Variants in RAP1GDS1 observed in about 807,000 individuals in gnomAD.
RAP1GDS1 encodes the protein RAP1, GTP-GDP dissociation stimulator 1.
A neutral mutation model predicts 71.1 loss-of-function variants in RAP1GDS1; 35 were observed. The observed-to-expected ratio is 0.49, with a 90% CI of 0.38 to 0.65. RAP1GDS1 has a LOEUF of 0.65. Among genes scored for constraint, RAP1GDS1 ranks in the 30% least tolerant of loss-of-function variants. The pLI is 0.00. For missense variants in RAP1GDS1, 663 were observed against 706.1 expected (o/e 0.94, Z 0.69); for synonymous variants, 229 against 243.1 (o/e 0.94, Z 0.54).
intron 2 of RAP1GDS1, among the ~76,000 whole-genome samples, chr4:98,304,743 A>T (rs1435943020): frequency 6.6e-6 from 1 of 151,762 alleles, no homozygotes; most frequent in African/African-American, 2.4e-5. Flanking sequence ...ATTGCTTTTG[A>T]TGTTTTTGTT....
chr4:98,428,851 G>A (rs1749990680), intron 12 of RAP1GDS1, among the ~76,000 whole-genome samples: 1 of 152,164 alleles, frequency 6.6e-6, no homozygotes, highest in Non-Finnish European at 1.5e-5. Flanking sequence ...TATCTGCCCA[G>A]TAGAAAAGAA....
intron 2 of RAP1GDS1, among the ~76,000 whole-genome samples, chr4:98,335,952 A>G (rs1203089040): frequency 6.6e-6 from 1 of 152,182 alleles, no homozygotes; most frequent in Non-Finnish European, 1.5e-5. Context: ...CTTACTTGAT[A>G]AACAGTGTAT....
At chr4:98,263,429 AAAT>A (rs1722302292) in intron 1 of RAP1GDS1, among the ~76,000 whole-genome samples, 1 of 152,246 alleles carries the variant, frequency 6.6e-6, no homozygotes, top group Non-Finnish European at 1.5e-5. Flanking sequence ...ATAATCTTCA[AAAT>A]CTTGAGTGCT....
chr4:98,421,160 T>G, intron 11 of RAP1GDS1, 95 bp from the exon 12 acceptor site: 9 of 1,311,020 alleles, frequency 6.9e-6, no homozygotes, highest in Non-Finnish European at 9.2e-6. Context: ...GTGCTGTGTT[T>G]TTTTAGACGT....
chr4:98,347,391 A>C (rs1008694223), intron 3 of RAP1GDS1, among the ~76,000 whole-genome samples: 2 of 152,220 alleles, frequency 1.3e-5, no homozygotes, highest in African/African-American at 4.8e-5. Flanking sequence ...ATGTATTACT[A>C]CAGTCAAAGG....
chr4:98,340,858 CT>C (rs1735407605), intron 2 of RAP1GDS1, among the ~76,000 whole-genome samples: 1 of 152,012 alleles, frequency 6.6e-6, no homozygotes, highest in Admixed American at 6.6e-5. Flanking sequence ...ACAGCAGACA[CT>C]GGGACCTACT....
intron 2 of RAP1GDS1, among the ~76,000 whole-genome samples, chr4:98,320,580 G>A (rs1440641868): frequency 2.0e-5 from 3 of 151,926 alleles, no homozygotes; most frequent in Non-Finnish European, 2.9e-5. Flanking sequence ...ATCTGAGAAC[G>A]GGCAGACTGC....
chr4:98,266,207 G>A (rs897936577), intron 1 of RAP1GDS1, among the ~76,000 whole-genome samples: 1 of 152,144 alleles, frequency 6.6e-6, no homozygotes, highest in African/African-American at 2.4e-5. Context: ...TCACCATAGT[G>A]CCTCACATTT....
At chr4:98,404,233 T>C (rs1159092526) in intron 6 of RAP1GDS1, among the ~76,000 whole-genome samples, 4 of 152,176 alleles carry the variant, frequency 2.6e-5, no homozygotes, top group Non-Finnish European at 4.4e-5. Flanking sequence ...ACTTAGTAAT[T>C]TTGTTGTTGC....
chr4:98,333,640 G>T (rs1165900290), intron 2 of RAP1GDS1, among the ~76,000 whole-genome samples: 1 of 151,716 alleles, frequency 6.6e-6, no homozygotes, highest in Non-Finnish European at 1.5e-5. Context: ...AAAGTTCATG[G>T]GTAAACATTT....
intron 2 of RAP1GDS1, among the ~76,000 whole-genome samples, chr4:98,332,796 G>T (rs1223232172): frequency 6.6e-6 from 1 of 152,104 alleles, no homozygotes; most frequent in African/African-American, 2.4e-5. Context: ...TTCTAACACA[G>T]GGGACCAAAT....
chr4:98,321,574 C>T (rs983721716), intron 2 of RAP1GDS1, among the ~76,000 whole-genome samples: 3 of 151,338 alleles, frequency 2.0e-5, no homozygotes, highest in Non-Finnish European at 2.9e-5. Context: ...GCGGATCTCT[C>T]GGCAGAAACC....
chr4:98,317,952 C>A (rs965321618), intron 2 of RAP1GDS1, among the ~76,000 whole-genome samples: 5 of 150,904 alleles, frequency 3.3e-5, no homozygotes, highest in Non-Finnish European at 5.9e-5. Context: ...AACTGATTCT[C>A]GTGCCTCAGC....
chr4:98,416,103 C>T (rs1288606378), intron 7 of RAP1GDS1, among the ~76,000 whole-genome samples: 18 of 151,846 alleles, frequency 1.2e-4, no homozygotes, highest in Admixed American at 1.2e-3. Context: ...TATTTTATAG[C>T]TTGCCCTTTA....
intron 3 of RAP1GDS1, 78 bp from the exon 4 acceptor site, chr4:98,352,398 A>C: frequency 2.1e-6 from 3 of 1,450,460 alleles, no homozygotes; most frequent in Non-Finnish European, 2.9e-6. Flanking sequence ...AAAAGTAGGT[A>C]TTTATTTTAT....
At chr4:98,355,595 A>AT (rs988768589) in intron 4 of RAP1GDS1, among the ~76,000 whole-genome samples, 15 of 152,186 alleles carry the variant, frequency 9.9e-5, no homozygotes, top group African/African-American at 3.6e-4. Flanking sequence ...TGTTCTATAG[A>AT]TTTTTACTTT....
At chr4:98,331,653 A>G (rs915676022) in intron 2 of RAP1GDS1, among the ~76,000 whole-genome samples, 6 of 152,188 alleles carry the variant, frequency 3.9e-5, no homozygotes, top group African/African-American at 1.4e-4. Context: ...CTACCATTTG[A>G]CAATGTTTCT....
intron 6 of RAP1GDS1, among the ~76,000 whole-genome samples, chr4:98,402,188 C>T (rs1179807015): frequency 6.6e-6 from 1 of 152,146 alleles, no homozygotes. Flanking sequence ...TGTTGTGCCT[C>T]AGCCTCCTGA....
intron 1 of RAP1GDS1, among the ~76,000 whole-genome samples, chr4:98,267,830 T>A (rs1168343503): frequency 6.6e-6 from 1 of 152,164 alleles, no homozygotes; most frequent in Non-Finnish European, 1.5e-5. Flanking sequence ...GCCTTTTTGG[T>A]AGCATGATTT....
Sources: allele counts gnomAD v4.1 joint callset (sites outside exome capture counted in the v4.1 genomes callset), GRCh38; gene constraint gnomAD v4.1.1; transcripts MANE v1.5; gene names NCBI Gene and HGNC (gene_info 2026-07-23, HGNC 2026-07-21).